Variants in LRRTM4 observed in about 807,000 individuals in gnomAD.
LRRTM4 encodes leucine rich repeat transmembrane neuronal 4, also known as leucine-rich repeat transmembrane neuronal protein 4.
In LRRTM4, 25 loss-of-function variants were observed where a neutral mutation model predicts 47.6. The ratio of observed to expected loss-of-function variants is 0.53; its 90% CI spans 0.38 to 0.73. LRRTM4 has a LOEUF of 0.73. LRRTM4 is among the 30% of genes least tolerant of loss of function. The pLI, the probability that LRRTM4 is intolerant of heterozygous loss-of-function variation, is 0.00. For missense variants in LRRTM4, 638 were observed against 713.4 expected (o/e 0.89, Z 1.20); for synonymous variants, 311 against 269.5 (o/e 1.15, Z -1.51).
chr2:77,297,428 C>T (rs954396045), intron 3 of LRRTM4, among the ~76,000 whole-genome samples: 9 of 152,172 alleles, frequency 5.9e-5, no homozygotes, highest in African/African-American at 1.9e-4. Flanking sequence ...AATGAGGCTA[C>T]TGGTTCCAAT....
intron 3 of LRRTM4, among the ~76,000 whole-genome samples, chr2:77,280,864 C>T (rs1573188778): frequency 1.3e-5 from 2 of 151,984 alleles, no homozygotes; most frequent in East Asian, 3.9e-4. Flanking sequence ...GCAGAAATTG[C>T]TTGAAATCTA....
chr2:77,367,942 T>C (rs1013989057), intron 3 of LRRTM4, among the ~76,000 whole-genome samples: 19 of 151,928 alleles, frequency 1.3e-4, no homozygotes, highest in Non-Finnish European at 2.5e-4. Flanking sequence ...AAATACTTTT[T>C]ATCTGTTTGC....
intron 3 of LRRTM4, among the ~76,000 whole-genome samples, chr2:77,157,585 A>G (rs1225033817): frequency 1.3e-5 from 2 of 152,114 alleles, no homozygotes; most frequent in Non-Finnish European, 2.9e-5. Context: ...TGATACTGAT[A>G]TTTAACTTGA....
chr2:77,082,330 C>T (rs1323750599), intron 3 of LRRTM4, among the ~76,000 whole-genome samples: 2 of 152,050 alleles, frequency 1.3e-5, no homozygotes, highest in Non-Finnish European at 2.9e-5. Flanking sequence ...TATGATGTGT[C>T]TCATATTGAA....
chr2:77,021,046 T>C (rs1488369236), intron 3 of LRRTM4, among the ~76,000 whole-genome samples: 1 of 152,156 alleles, frequency 6.6e-6, no homozygotes, highest in Non-Finnish European at 1.5e-5. Flanking sequence ...TGTGGGTCCC[T>C]GGAACAATAA....
intron 3 of LRRTM4, among the ~76,000 whole-genome samples, chr2:76,861,221 C>G (rs1264504430): frequency 3.3e-5 from 5 of 152,088 alleles, no homozygotes; most frequent in Non-Finnish European, 5.9e-5. Context: ...ATGTTTTGAT[C>G]TAATTTATGT....
At position 77,466,044 on chromosome 2, in the gene LRRTM4, G is replaced by A. The variant is rs370486943; in HGVS notation, c.1551+52274C>T. Among the ~76,000 whole-genome samples, 62 of 152,286 alleles carry A rather than the reference G, an allele frequency of 4.1e-4. No individual in the cohort carries two copies. The South Asian group carries it at 0.012, about 30-fold the overall frequency. On this transcript the variant is annotated intron_variant, in intron 3 of 3. Transcript: ENST00000409884. ...TGTCTAACTCTGGCCCTAAGCAGCC[G>A]TGACTCCTTTTATGTAAGGAGAAAA...
intron 3 of LRRTM4, among the ~76,000 whole-genome samples, chr2:77,370,113 A>C (rs559472314): frequency 6.6e-6 from 1 of 151,726 alleles, no homozygotes; most frequent in Admixed American, 6.6e-5. Flanking sequence ...GGAAAACCCA[A>C]ACTTTTCTGA....
At chr2:77,214,411 G>A (rs1192042818) in intron 3 of LRRTM4, among the ~76,000 whole-genome samples, 1 of 152,152 alleles carries the variant, frequency 6.6e-6, no homozygotes, top group Non-Finnish European at 1.5e-5. Flanking sequence ...CTTCGTGTCA[G>A]ATGCACAGAA....
chr2:76,888,699 C>T (rs536930392), intron 3 of LRRTM4, among the ~76,000 whole-genome samples: 1 of 151,720 alleles, frequency 6.6e-6, no homozygotes, highest in African/African-American at 2.4e-5. Context: ...TGGACCACTG[C>T]TTTCGTTGCC....
chr2:77,309,539 G>C (rs1677386291), intron 3 of LRRTM4, among the ~76,000 whole-genome samples: 1 of 152,140 alleles, frequency 6.6e-6, no homozygotes, highest in African/African-American at 2.4e-5. Flanking sequence ...TGGCTGAGAA[G>C]GGAAAGGCCT....
At chr2:77,174,158 C>T (rs879825811) in intron 3 of LRRTM4, among the ~76,000 whole-genome samples, 4 of 152,136 alleles carry the variant, frequency 2.6e-5, no homozygotes, top group Non-Finnish European at 4.4e-5. Context: ...TGCCCGTGCA[C>T]TCCTCCTCCT....
intron 3 of LRRTM4, among the ~76,000 whole-genome samples, chr2:77,211,172 T>G (rs1674282770): frequency 6.6e-6 from 1 of 152,074 alleles, no homozygotes; most frequent in Non-Finnish European, 1.5e-5. Context: ...TATAAGCAAC[T>G]ATAGAAATTG....
At chr2:76,867,864 T>C (rs965419406) in intron 3 of LRRTM4, among the ~76,000 whole-genome samples, 4 of 152,200 alleles carry the variant, frequency 2.6e-5, no homozygotes, top group African/African-American at 9.7e-5. Context: ...TATTTTCTTC[T>C]CATTTTAGTT....
At chr2:77,131,665 G>A (rs901070608) in intron 3 of LRRTM4, among the ~76,000 whole-genome samples, 1 of 152,078 alleles carries the variant, frequency 6.6e-6, no homozygotes, top group Non-Finnish European at 1.5e-5. Flanking sequence ...TTACACTATG[G>A]GGGAAATTAT....
chr2:76,781,709 G>T (rs746039769), intron 3 of LRRTM4, among the ~76,000 whole-genome samples: 4 of 152,118 alleles, frequency 2.6e-5, no homozygotes, highest in Non-Finnish European at 5.9e-5. Context: ...GAAATCACCC[G>T]TCCTCTGCGT....
At chr2:76,902,845 T>C (rs1036849515) in intron 3 of LRRTM4, among the ~76,000 whole-genome samples, 3 of 152,114 alleles carry the variant, frequency 2.0e-5, no homozygotes, top group Non-Finnish European at 2.9e-5. Flanking sequence ...CCTGGTGCAT[T>C]TGAATGAAGT....
At chr2:77,480,012 G>A (rs1677608305) in intron 3 of LRRTM4, among the ~76,000 whole-genome samples, 1 of 152,016 alleles carries the variant, frequency 6.6e-6, no homozygotes. Context: ...GCCTAATTTG[G>A]CATGTGGTGG....
chr2:77,448,287 G>T (rs556722181), intron 3 of LRRTM4, among the ~76,000 whole-genome samples: 18 of 152,260 alleles, frequency 1.2e-4, no homozygotes, highest in Non-Finnish European at 2.1e-4. Flanking sequence ...GACACCATGA[G>T]ATGATTGGCA....
Sources: allele counts gnomAD v4.1 joint callset (sites outside exome capture counted in the v4.1 genomes callset), GRCh38; gene constraint gnomAD v4.1.1; transcripts MANE v1.5; gene names NCBI Gene and HGNC (gene_info 2026-07-23, HGNC 2026-07-21).